Variants in ITM2B observed in about 807,000 individuals in gnomAD.
The protein encoded by ITM2B is ABri/ADan amyloid peptide.
In ITM2B, 11 loss-of-function variants were observed where a neutral mutation model predicts 27.8. The observed-to-expected ratio is 0.40, with a 90% confidence interval of 0.25 to 0.66. The LOEUF is 0.66. Among genes scored for constraint, ITM2B ranks in the 30% least tolerant of loss-of-function variants. The probability of loss-of-function intolerance (pLI) is 0.43; values close to 1 mark genes in which losing one functional copy is unlikely to be tolerated. For missense variants in ITM2B, 296 were observed against 328.9 expected (o/e 0.90, Z 0.77); for synonymous variants, 114 against 114.3 (o/e 1.00, Z 0.02).
intron 3 of ITM2B, among the ~76,000 whole-genome samples, chr13:48,257,623 T>A (rs1951797385): frequency 6.6e-6 from 1 of 152,174 alleles, no homozygotes; most frequent in Non-Finnish European, 1.5e-5. Context: ...AATGTTGACA[T>A]TATTTGATTT....
At chr13:48,256,075 C>T in intron 2 of ITM2B, 102 bp from the exon 3 acceptor site, 1 of 828,670 alleles carries the variant, frequency 1.2e-6, no homozygotes, top group African/African-American at 1.7e-5. Flanking sequence ...CAAGAGTTTG[C>T]AAGCAAAATG....
At position 48,233,415 on chromosome 13, in the gene ITM2B, G is replaced by C. The variant is rs772385941; in HGVS notation, c.55G>C (p.Glu19Gln). 6.4e-7 allele frequency: 1 copy of C among 1,554,836 alleles called. No individual in the cohort carries two copies. The highest frequency in any genetic ancestry group is 1.4e-5 in the African/African-American group (1 of 70,784). ...GGCCCAGAAGGAGGCCAAGAAGGAC[G>C]AGCCCAAGAGCGGCGAGGAGGCGCT... Reference protein sequence around the residue: ...ALAQKEAKKDEPKSGEEALII... With the variant: ...ALAQKEAKKDQPKSGEEALII... The change falls in exon 1 of 6, where the codon GAG becomes CAG. Residue 19 changes from glutamate to glutamine, a missense_variant. Transcript: ENST00000647800.
In ITM2B at chr13:48,262,007, A is replaced by AT. The variant is rs1297982994; in HGVS notation, c.*789dup. On this transcript the variant is annotated 3_prime_UTR_variant, in exon 6 of 6. Coordinates refer to ENST00000647800, the MANE Select transcript of ITM2B (RefSeq NM_021999.5). Reference sequence around the variant, plus strand: ...ATATATACAATGAGTAAAATCACAGATTTTTTCTTTAAATAAAAATAAGTC... The same window carrying AT: ...ATATATACAATGAGTAAAATCACAGATTTTTTTCTTTAAATAAAAATAAGTC... The AT allele has an allele frequency of 3.9e-5, 6 of 152,298 alleles. No homozygotes were observed. Among genetic ancestry groups the AT allele is most frequent in the African/African-American group, 9.7e-5 (4 of 41,444 alleles). The allele number at this position is 152,298 out of a possible 1,614,324, so 9.4% of individuals were successfully genotyped here.
Position 48,264,321 on chromosome 13 carries a change from C to G in ITM2B, c.*3097C>G, listed in dbSNP as rs1192715335. On this transcript the variant is annotated 3_prime_UTR_variant, in exon 6 of 6. Coordinates refer to ENST00000647800, the MANE Select transcript of ITM2B (RefSeq NM_021999.5). ...CCTGTATCCCTTTTTAGATTCCACA[C>G]CCATATTAGTGAGAAGCAAGAAAAA... 1 of 152,042 alleles carries G rather than the reference C, an allele frequency of 6.6e-6. No homozygotes were observed. Among genetic ancestry groups the G allele is most frequent in the Non-Finnish European group, 1.5e-5 (1 of 68,018 alleles). 9.4% of individuals were successfully genotyped at this position (152,042 alleles called of 1,614,324 possible). A position where few individuals can be genotyped will look rare whatever the true frequency, so the allele number is the denominator to read the frequency against.
At chr13:48,246,795 T>C (rs1447219306) in intron 1 of ITM2B, among the ~76,000 whole-genome samples, 1 of 152,168 alleles carries the variant, frequency 6.6e-6, no homozygotes, top group African/African-American at 2.4e-5. Flanking sequence ...AAGAGAGAAG[T>C]TGAAAATACT....
At position 48,270,230 on chromosome 13, in the gene ITM2B, A is replaced by G; in HGVS notation, c.*9006A>G. The G allele has an allele frequency of 6.6e-6, 1 of 152,338 alleles. No homozygotes were observed. Among genetic ancestry groups the G allele is most frequent in the Non-Finnish European group, 1.5e-5 (1 of 68,056 alleles). 9.4% of individuals were successfully genotyped at this position (152,338 alleles called of 1,614,324 possible). On this transcript the variant is annotated 3_prime_UTR_variant, in exon 6 of 6. Transcript: ENST00000647800. Reference sequence around the variant, plus strand: ...TTAGACTTTTCCATTCTGCCCTCTTAGGGGCCTTCCTGGCCATGACCACAC... The same window carrying G: ...TTAGACTTTTCCATTCTGCCCTCTTGGGGGCCTTCCTGGCCATGACCACAC...
intron 1 of ITM2B, among the ~76,000 whole-genome samples, chr13:48,251,981 A>T (rs1260244777): frequency 6.6e-6 from 1 of 152,188 alleles, no homozygotes; most frequent in Admixed American, 6.5e-5. Flanking sequence ...ACTTATTCTC[A>T]TTACATACTT....
chr13:48,259,900 G>T (rs1459570307), intron 5 of ITM2B, among the ~76,000 whole-genome samples: 1 of 151,784 alleles, frequency 6.6e-6, no homozygotes, highest in African/African-American at 2.4e-5. Context: ...TGTACAATAT[G>T]CAGGTTTGTT....
intron 2 of ITM2B, among the ~76,000 whole-genome samples, chr13:48,255,691 G>C (rs980895428): frequency 6.6e-6 from 1 of 152,152 alleles, no homozygotes. Flanking sequence ...GTGATATAAA[G>C]GGAAAAGTAG....
chr13:48,268,558 C>T lies in ITM2B; in HGVS notation c.*7334C>T, dbSNP rs939120077. On this transcript the variant is annotated 3_prime_UTR_variant, in exon 6 of 6. Coordinates refer to ENST00000647800, the MANE Select transcript of ITM2B (RefSeq NM_021999.5). ...TCCTGGGCTCAAAGCAATCCACCCT[C>T]CTCGGCCTCCCAAAGTGCTAGGATT... 1.3e-5 allele frequency: 2 copies of T among 152,188 alleles called. No homozygotes were observed. The highest frequency in any genetic ancestry group is 4.8e-5 in the African/African-American group (2 of 41,432). 9.4% of individuals were successfully genotyped at this position (152,188 alleles called of 1,614,324 possible).
chr13:48,247,017 C>T (rs949667767), intron 1 of ITM2B, among the ~76,000 whole-genome samples: 22 of 152,140 alleles, frequency 1.4e-4, no homozygotes, highest in Middle Eastern at 3.4e-3. Context: ...TTATTAGAGA[C>T]GGGTTTCACC....
chr13:48,252,215 A>G (rs1329754397), intron 1 of ITM2B, among the ~76,000 whole-genome samples: 1 of 152,224 alleles, frequency 6.6e-6, no homozygotes, highest in African/African-American at 2.4e-5. Context: ...CAGTTGTATC[A>G]TGTTAAAGTT....
intron 2 of ITM2B, 86 bp downstream of exon 2, chr13:48,254,022 G>A (rs1178888961): frequency 1.6e-5 from 21 of 1,321,816 alleles, no homozygotes; most frequent in South Asian, 2.4e-5. Flanking sequence ...TACAACTTGC[G>A]CTAAGCTTGT....
intron 1 of ITM2B, among the ~76,000 whole-genome samples, chr13:48,244,972 A>G (rs1249354225): frequency 6.6e-6 from 1 of 152,182 alleles, no homozygotes; most frequent in African/African-American, 2.4e-5. Context: ...GCTTTTTGCT[A>G]TCCCAGTGCC....
intron 1 of ITM2B, among the ~76,000 whole-genome samples, chr13:48,239,492 C>CGTG (rs1222653993): frequency 2.6e-4 from 40 of 152,246 alleles, no homozygotes; most frequent in Non-Finnish European, 2.2e-4. Flanking sequence ...ATTAGCCAGG[C>CGTG]GTGGTGGCAT....
chr13:48,240,062 T>TA (rs1489934106), intron 1 of ITM2B, among the ~76,000 whole-genome samples: 27 of 152,356 alleles, frequency 1.8e-4, no homozygotes, highest in Non-Finnish European at 4.4e-5. Flanking sequence ...CTCTATCACT[T>TA]ACTTTGATAC....
chr13:48,245,611 A>G (rs1373483256), intron 1 of ITM2B, among the ~76,000 whole-genome samples: 2 of 151,766 alleles, frequency 1.3e-5, no homozygotes, highest in Non-Finnish European at 2.9e-5. Context: ...TGTGATGCTA[A>G]TAATTTGGTT....
chr13:48,258,779 ATTC>A lies in ITM2B; in HGVS notation c.565-15_565-13del. 6.2e-7 allele frequency: 1 copy of A among 1,611,112 alleles called. No individual in the cohort carries two copies. The highest frequency in any genetic ancestry group is 8.5e-7 in the Non-Finnish European group (1 of 1,177,390). On this transcript the variant is annotated splice_polypyrimidine_tract_variant and intron_variant, in intron 4 of 5. Coordinates refer to ENST00000647800, the MANE Select transcript of ITM2B (RefSeq NM_021999.5). ...ATGTTCTGAGATAGTCATGTCATGTATTCTTTTCTGAATGTAGGCTGGAACCTA... is the reference window on the plus strand; with the variant it reads ...ATGTTCTGAGATAGTCATGTCATGTATTTTCTGAATGTAGGCTGGAACCTA...
Position 48,256,378 on chromosome 13 carries a change from A to G in ITM2B, c.448A>G (p.Asn150Asp). Residue 150 changes from asparagine to aspartate, a missense_variant, in exon 3 of 6, where the codon AAC becomes GAC. Coordinates refer to ENST00000647800, the MANE Select transcript of ITM2B (RefSeq NM_021999.5). Reference protein sequence around the residue: ...SDPANIVHDFNKKLTAYLDLN... With the variant: ...SDPANIVHDFDKKLTAYLDLN... ...TCCTGCCAACATTGTTCATGACTTT[A>G]ACAAGGTGAGCCAAGTGTCCAGAAT... 6.2e-7 allele frequency: 1 copy of G among 1,612,162 alleles called. No individual in the cohort carries two copies. The highest frequency in any genetic ancestry group is 8.5e-7 in the Non-Finnish European group (1 of 1,178,340).
Sources: allele counts gnomAD v4.1 joint callset (sites outside exome capture counted in the v4.1 genomes callset), GRCh38; gene constraint gnomAD v4.1.1; transcripts MANE v1.5; gene names NCBI Gene and HGNC (gene_info 2026-07-23, HGNC 2026-07-21).